OCA2: variants seen among roughly 807,000 people sequenced by gnomAD.
OCA2 encodes P protein.
A neutral mutation model predicts 100.2 loss-of-function variants in OCA2; 77 were observed. That is an observed-to-expected ratio of 0.77 (90% CI 0.64 to 0.93). OCA2 has a LOEUF of 0.93. Ranked by LOEUF, OCA2 falls within the 40% of genes least tolerant of loss-of-function variation. OCA2 has a pLI of 0.00. For synonymous variants in OCA2, 432 were observed against 439.2 expected, an observed-to-expected ratio of 0.98 and a Z score of 0.21; for missense variants, 1,062 against 1,089.1, an observed-to-expected ratio of 0.98 and a Z score of 0.35.
At chr15:27,902,472 T>G (rs1398629134) in intron 19 of OCA2, among the ~76,000 whole-genome samples, 1 of 152,208 alleles carries the variant, frequency 6.6e-6, no homozygotes, top group East Asian at 1.9e-4. Context: ...TATAAATTGG[T>G]AAATTTGAAG....
intron 2 of OCA2, among the ~76,000 whole-genome samples, chr15:28,056,479 A>G (rs1243787236): frequency 2.0e-5 from 3 of 152,244 alleles, no homozygotes; most frequent in Non-Finnish European, 2.9e-5. Context: ...GTCAAGATGT[A>G]GGACCCTGCA....
Position 28,081,973 on chromosome 15 carries a change from T to C in OCA2, c.-21-78A>G, listed in dbSNP as rs2044648449. On this transcript the variant is annotated intron_variant, in intron 1 of 23. Transcript: ENST00000354638. ...GTTTGCACCTTGGGAGTCCGTACAA[T>C]AGGAAGGTTGCTTCTTCGGAGGCGG... 86 of 1,200,150 alleles carry C rather than the reference T, an allele frequency of 7.2e-5. 2 individuals carry two copies. The South Asian group carries it at 1.1e-3, about 15-fold the overall frequency. The allele number at this position is 1,200,150 out of a possible 1,614,324, so 74.3% of individuals were successfully genotyped here.
chr15:27,902,858 G>A (rs1454704157), intron 19 of OCA2, among the ~76,000 whole-genome samples: 1 of 152,210 alleles, frequency 6.6e-6, no homozygotes, highest in East Asian at 1.9e-4. Flanking sequence ...AGTGTTCCAG[G>A]CACAGTGCGT....
At chr15:28,028,422 C>G (rs369460687) in intron 3 of OCA2, among the ~76,000 whole-genome samples, 30 of 152,174 alleles carry the variant, frequency 2.0e-4, no homozygotes, top group Admixed American at 2.0e-3. Context: ...ATACCTAGAT[C>G]TGGGAGACTT....
intron 18 of OCA2, among the ~76,000 whole-genome samples, chr15:27,927,144 C>T (rs1480512639): frequency 1.3e-5 from 2 of 152,138 alleles, no homozygotes; most frequent in African/African-American, 2.4e-5. Context: ...ACAAAATTAG[C>T]TGGATGTGGT....
At chr15:28,030,387 G>A (rs2042877113) in intron 3 of OCA2, among the ~76,000 whole-genome samples, 1 of 152,216 alleles carries the variant, frequency 6.6e-6, no homozygotes, top group South Asian at 2.1e-4. Flanking sequence ...GTGGGGCAGA[G>A]ACAACTAAGG....
At chr15:27,821,662 T>G (rs915622008) in intron 23 of OCA2, among the ~76,000 whole-genome samples, 1 of 150,630 alleles carries the variant, frequency 6.6e-6, no homozygotes, top group African/African-American at 2.5e-5. Context: ...AGACACAGGC[T>G]CACATGCATA....
intron 2 of OCA2, among the ~76,000 whole-genome samples, chr15:28,037,010 C>T (rs1264689347): frequency 6.6e-6 from 1 of 152,044 alleles, no homozygotes. Flanking sequence ...AATTCACATC[C>T]ACAGATTCTC....
intron 15 of OCA2, among the ~76,000 whole-genome samples, chr15:27,966,108 T>C (rs559676068): frequency 6.6e-6 from 1 of 152,288 alleles, no homozygotes; most frequent in South Asian, 2.1e-4. Context: ...GTAGCTGGGA[T>C]TACAGGCCTG....
chr15:27,845,015 C>T lies in OCA2; in HGVS notation c.2376G>A (p.Val792=), dbSNP rs2035479588. 2 of 1,613,924 alleles carry T rather than the reference C, an allele frequency of 1.2e-6. No homozygotes were observed. The highest frequency in any genetic ancestry group is 1.3e-5 in the African/African-American group (1 of 74,878). Residue 792 remains valine (V), a synonymous_variant, in exon 23 of 24, where the codon GTG becomes GTA. Coordinates refer to ENST00000354638, the MANE Select transcript of OCA2 (RefSeq NM_000275.3). ...CATGCTGTTCTGCAATCCCTGCACACACGACGTTTGCCGACGCGCCAATCA... is the reference window on the plus strand; with the variant it reads ...CATGCTGTTCTGCAATCCCTGCACATACGACGTTTGCCGACGCGCCAATCA... ...GTLIGASANV[V]CAGIAEQHGY...
At chr15:27,769,710 G>A (rs2031563076) in intron 23 of OCA2, among the ~76,000 whole-genome samples, 3 of 152,296 alleles carry the variant, frequency 2.0e-5, no homozygotes, top group East Asian at 1.9e-4. Context: ...TTTGGCTGTC[G>A]CCCTTCTACA....
At chr15:27,765,303 C>A (rs888714491) in intron 23 of OCA2, among the ~76,000 whole-genome samples, 1 of 152,022 alleles carries the variant, frequency 6.6e-6, no homozygotes, top group Non-Finnish European at 1.5e-5. Context: ...GGCCTTGAAG[C>A]ATGACAAGAT....
At chr15:28,014,666 G>A in intron 9 of OCA2, 110 bp downstream of exon 9, 2 of 1,172,498 alleles carry the variant, frequency 1.7e-6, no homozygotes, top group East Asian at 2.5e-5. Flanking sequence ...GATGACACTA[G>A]TCCAGTTTGA....
intron 2 of OCA2, among the ~76,000 whole-genome samples, chr15:28,056,890 G>A (rs935760756): frequency 1.3e-4 from 20 of 152,346 alleles, no homozygotes; most frequent in East Asian, 1.9e-4. Context: ...AGGGACATAG[G>A]CCAGTGGGGT....
intron 1 of OCA2, among the ~76,000 whole-genome samples, chr15:28,098,185 G>C (rs1475868022): frequency 6.6e-6 from 1 of 152,216 alleles, no homozygotes; most frequent in African/African-American, 2.4e-5. Context: ...ACACCAATGT[G>C]AACTGCACTC....
chr15:28,024,803 C>T, intron 5 of OCA2, 42 bp downstream of exon 5: 1 of 1,610,072 alleles, frequency 6.2e-7, no homozygotes, highest in Non-Finnish European at 8.5e-7. Flanking sequence ...CACAGGGCTT[C>T]CACGGACCCA....
At chr15:27,793,941 G>A (rs1434553673) in intron 23 of OCA2, among the ~76,000 whole-genome samples, 2 of 152,200 alleles carry the variant, frequency 1.3e-5, no homozygotes, top group African/African-American at 2.4e-5. Flanking sequence ...GCTACAATGA[G>A]GAGGCCCCCA....
At chr15:27,926,288 T>C in intron 18 of OCA2, 34 bp from the exon 19 acceptor site, 2 of 1,612,742 alleles carry the variant, frequency 1.2e-6, no homozygotes, top group Non-Finnish European at 8.5e-7. Flanking sequence ...GAGATATAGT[T>C]CCACTGTTAA....
At chr15:27,913,389 AGAAG>A (rs2038473851) in intron 19 of OCA2, among the ~76,000 whole-genome samples, 2 of 152,154 alleles carry the variant, frequency 1.3e-5, no homozygotes, top group Non-Finnish European at 2.9e-5. Context: ...TTCAAAAGAA[AGAAG>A]GGAAAGATTA....
Sources: gnomAD v4.1 joint callset for allele counts (sites outside exome capture counted in the v4.1 genomes callset) on GRCh38, gnomAD v4.1.1 for gene constraint, MANE v1.5 for transcripts, NCBI Gene and HGNC (gene_info 2026-07-23, HGNC 2026-07-21) for gene names.